The following ICA1L variants were observed in gnomAD, a reference collection of about 807,000 sequenced individuals.
ICA1L encodes islet cell autoantigen 1 like.
A neutral mutation model predicts 61.3 loss-of-function variants in ICA1L; 50 were observed. The observed-to-expected ratio is 0.82, with a 90% CI of 0.65 to 1.03. The LOEUF (loss-of-function observed/expected upper bound fraction) is 1.03, where lower values mean the gene tolerates loss of function less well. Ranked by LOEUF, ICA1L falls within the 50% of genes least tolerant of loss-of-function variation. The probability of loss-of-function intolerance (pLI) is 0.00; values close to 1 mark genes in which losing one functional copy is unlikely to be tolerated. For synonymous variants in ICA1L, 161 were observed against 191.3 expected, an observed-to-expected ratio of 0.84 and a Z score of 1.31; for missense variants, 508 against 556.7, an observed-to-expected ratio of 0.91 and a Z score of 0.88.
chr2:202,783,067 A>G (rs1387487462), intron 12 of ICA1L, among the ~76,000 whole-genome samples: 3 of 152,172 alleles, frequency 2.0e-5, no homozygotes, highest in African/African-American at 7.2e-5. Flanking sequence ...GTCCACACTG[A>G]TATCAATGAA....
At position 202,871,671 on chromosome 2, in the gene ICA1L, CCCGGCACCCGTT is replaced by C. The variant is rs1422332795; in HGVS notation, c.-72_-61del. 7 of 152,752 alleles carry C rather than the reference CCCGGCACCCGTT, an allele frequency of 4.6e-5. No homozygotes were observed. The highest frequency in any genetic ancestry group is 1.4e-4 in the African/African-American group (6 of 41,464). The allele number at this position is 152,752 out of a possible 1,614,324, so 9.5% of individuals were successfully genotyped here. ...CGCGTTCGGCCGTACGGTGATCCGTCCCGGCACCCGTTCCGGCCACCGCCCGCGAGCCCCGCG... is the reference window on the plus strand; with the variant it reads ...CGCGTTCGGCCGTACGGTGATCCGTCCCGGCCACCGCCCGCGAGCCCCGCG... On this transcript the variant is annotated 5_prime_UTR_variant, in exon 1 of 13. Transcript: ENST00000358299.
intron 9 of ICA1L, among the ~76,000 whole-genome samples, chr2:202,798,952 T>C (rs1034407077): frequency 5.3e-5 from 8 of 152,180 alleles, no homozygotes; most frequent in African/African-American, 1.9e-4. Context: ...AATAATAGGA[T>C]TTCATTCTTT....
At chr2:202,824,981 T>C (rs1286085889) in intron 3 of ICA1L, among the ~76,000 whole-genome samples, 1 of 151,980 alleles carries the variant, frequency 6.6e-6, no homozygotes, top group East Asian at 1.9e-4. Flanking sequence ...CAAGAGAAAT[T>C]TGGTGGAGTG....
chr2:202,783,576 A>T (rs1174623738), intron 12 of ICA1L, among the ~76,000 whole-genome samples: 2 of 152,258 alleles, frequency 1.3e-5, no homozygotes, highest in Non-Finnish European at 2.9e-5. Flanking sequence ...CAAGGTCATG[A>T]GACACAAAGA....
Position 202,789,033 on chromosome 2 carries a change from AAT to A in ICA1L, c.1038_1039del (p.Glu346AspfsTer16). 2 of 1,613,064 alleles carry A rather than the reference AAT, an allele frequency of 1.2e-6. No individual in the cohort carries two copies. Among genetic ancestry groups the A allele is most frequent in the Non-Finnish European group, 1.7e-6 (2 of 1,179,316 alleles). ...ACTTAGGAGGTTGTTCAGAAATGAGAATTCCTTCTCAAAATCTTCTCCTTCCA... is the reference window on the plus strand; with the variant it reads ...ACTTAGGAGGTTGTTCAGAAATGAGATCCTTCTCAAAATCTTCTCCTTCCA... On this transcript the variant is annotated frameshift_variant, in exon 11 of 13. Coordinates refer to ENST00000358299, the MANE Select transcript of ICA1L (RefSeq NM_001288622.3). LOFTEE classifies it high-confidence loss of function.
At chr2:202,841,101 A>G (rs1455923575) in intron 1 of ICA1L, 2 of 636,636 alleles carry the variant, frequency 3.1e-6, no homozygotes, top group Non-Finnish European at 5.9e-6. Context: ...CTCTTCATAC[A>G]GCTGCCCGAG....
At chr2:202,807,179 G>A in intron 9 of ICA1L, among the ~76,000 whole-genome samples, 1 of 152,170 alleles carries the variant, frequency 6.6e-6, no homozygotes, top group East Asian at 1.9e-4. Flanking sequence ...CACAGTACCT[G>A]GTTTTAACTA....
In ICA1L at chr2:202,780,592, A is replaced by AG. The variant is rs536165900; in HGVS notation, c.1334-945dup. Among the ~76,000 whole-genome samples, 341 of 152,324 alleles carry AG rather than the reference A, an allele frequency of 2.2e-3. 1 individual carries two copies. The highest frequency in any genetic ancestry group is 4.6e-3 in the Non-Finnish European group (313 of 68,032). ...GGGTTGAGACCCAGAGGACAGTCTA[A>AG]GAACTGGACATGAAACCAGAGTCAC... On this transcript the variant is annotated intron_variant, in intron 12 of 12. Transcript: ENST00000358299.
rs1687633093 is a variant in ICA1L at position 202,869,500 on chromosome 2, C to T, written c.-8+2119G>A. The stretch of plus-strand genomic sequence containing the variant: ...CATGTATAAAATATAATTTAAAAAA[C>T]ACAAAACACAGATACCAACTCATGA... On this transcript the variant is annotated intron_variant, in intron 1 of 12. Coordinates refer to ENST00000358299, the MANE Select transcript of ICA1L (RefSeq NM_001288622.3). 2.0e-5 allele frequency: 3 copies of T among 151,622 alleles called. No individual in the cohort carries two copies. The South Asian group carries it at 6.2e-4, about 31-fold the overall frequency. The allele number at this position is 151,622 out of a possible 1,614,324, so 9.4% of individuals were successfully genotyped here. A position where few individuals can be genotyped will look rare whatever the true frequency, so the allele number is the denominator to read the frequency against.
chr2:202,782,979 C>G (rs542333353), intron 12 of ICA1L, among the ~76,000 whole-genome samples: 1 of 152,258 alleles, frequency 6.6e-6, no homozygotes, highest in African/African-American at 2.4e-5. Context: ...AGTGTGAAAT[C>G]TGTGATTTGC....
At chr2:202,823,646 C>T (rs182477186) in intron 3 of ICA1L, among the ~76,000 whole-genome samples, 14 of 152,334 alleles carry the variant, frequency 9.2e-5, no homozygotes, top group African/African-American at 3.1e-4. Context: ...AGGCTGTTCT[C>T]ATTCTTTAAG....
chr2:202,802,506 C>T (rs1005309323), intron 9 of ICA1L, among the ~76,000 whole-genome samples: 14 of 151,876 alleles, frequency 9.2e-5, no homozygotes, highest in African/African-American at 3.4e-4. Flanking sequence ...ACAATTTATA[C>T]CAGCAAAAAT....
chr2:202,804,987 A>G (rs1248243888), intron 9 of ICA1L, among the ~76,000 whole-genome samples: 1 of 152,236 alleles, frequency 6.6e-6, no homozygotes, highest in Non-Finnish European at 1.5e-5. Context: ...TGAAAATACT[A>G]TATATCAAAA....
chr2:202,808,331 C>T (rs929423290), intron 9 of ICA1L, among the ~76,000 whole-genome samples: 3 of 152,150 alleles, frequency 2.0e-5, no homozygotes, highest in African/African-American at 7.2e-5. Context: ...TCAGCGATAG[C>T]CAGGCAGTAC....
rs182750869 is a variant in ICA1L at position 202,833,350 on chromosome 2, G to T, written c.-7-4334C>A. ...TAATCCCAGGACTTTGGGAGGCTGT[G>T]GGGGAGGATCACTGGCGCCCAGGAG... On this transcript the variant is annotated intron_variant, in intron 1 of 12. Transcript: ENST00000358299. Among the ~76,000 whole-genome samples, 38 of 152,304 alleles carry T rather than the reference G, an allele frequency of 2.5e-4. No homozygotes were observed. The East Asian group carries it at 6.7e-3, about 27-fold the overall frequency.
intron 1 of ICA1L, among the ~76,000 whole-genome samples, chr2:202,850,958 A>T (rs981934435): frequency 5.3e-5 from 8 of 152,172 alleles, no homozygotes; most frequent in African/African-American, 9.6e-5. Flanking sequence ...AACCCCTACA[A>T]GCCAGAAGAG....
chr2:202,866,719 G>A (rs992929030), intron 1 of ICA1L, among the ~76,000 whole-genome samples: 1 of 152,120 alleles, frequency 6.6e-6, no homozygotes. Context: ...AAGCTGAGGC[G>A]GGCGAATCAC....
chr2:202,825,541 T>C, intron 3 of ICA1L, 154 bp downstream of exon 3: 4 of 1,352,946 alleles, frequency 3.0e-6, no homozygotes, highest in South Asian at 3.6e-5. Context: ...GAAGAGAGAA[T>C]ACTGGGGCCT....
chr2:202,802,732 A>G (rs1422908659), intron 9 of ICA1L, among the ~76,000 whole-genome samples: 1 of 152,164 alleles, frequency 6.6e-6, no homozygotes, highest in Non-Finnish European at 1.5e-5. Context: ...AAGAAATAGT[A>G]AGACAGGAAA....
Sources: allele counts gnomAD v4.1 joint callset (sites outside exome capture counted in the v4.1 genomes callset), GRCh38; gene constraint gnomAD v4.1.1; transcripts MANE v1.5; gene names NCBI Gene and HGNC (gene_info 2026-07-23, HGNC 2026-07-21).